MAFF: variants seen among roughly 807,000 people sequenced by gnomAD.
MAFF encodes transcription factor MafF.
Under a neutral mutation model 2.7 loss-of-function variants are expected in MAFF, and 4 were observed. The ratio of observed to expected loss-of-function variants is 1.48; its 90% CI spans 0.73 to 3.39. MAFF has a LOEUF of 3.39. Ranked by LOEUF, MAFF falls within the 30% of genes most tolerant of loss-of-function variation. The probability of loss-of-function intolerance (pLI) is 0.01; values close to 1 mark genes in which losing one functional copy is unlikely to be tolerated. For missense variants in MAFF, 190 were observed against 246.6 expected (o/e 0.77, Z 1.54); for synonymous variants, 113 against 119.4 (o/e 0.95, Z 0.35).
chr22:38,207,533 G>A (rs551174615), intron 1 of MAFF, among the ~76,000 whole-genome samples: 6 of 138,558 alleles, frequency 4.3e-5, no homozygotes, highest in Admixed American at 3.3e-4. Context: ...CTCCATCTCC[G>A]GGTTCACGCC....
Position 38,202,132 on chromosome 22 carries a change from G to C in MAFF, c.-112G>C, listed in dbSNP as rs911290936. 1 of 152,334 alleles carries C rather than the reference G, an allele frequency of 6.6e-6. No individual in the cohort carries two copies. The highest frequency in any genetic ancestry group is 1.5e-5 in the Non-Finnish European group (1 of 68,132). 9.4% of individuals were successfully genotyped at this position (152,334 alleles called of 1,614,324 possible). A position where few individuals can be genotyped will look rare whatever the true frequency, so the allele number is the denominator to read the frequency against. On this transcript the variant is annotated 5_prime_UTR_variant, in exon 1 of 3. Coordinates refer to ENST00000338483, the MANE Select transcript of MAFF (RefSeq NM_012323.4). This position sits in a 1 kb window ranked among gnomAD's most constrained non-coding sequence, Gnocchi z 7.4. ...CTCAGAGCGGAGGGGAGACTGACCG[G>C]AGCGCGGATCGGGACAGCGGCCGGG...
chr22:38,204,690 T>A, intron 1 of MAFF, among the ~76,000 whole-genome samples: 1 of 152,192 alleles, frequency 6.6e-6, no homozygotes, highest in East Asian at 1.9e-4. Flanking sequence ...CACACAGGCA[T>A]GCACTGCCCG....
intron 1 of MAFF, among the ~76,000 whole-genome samples, chr22:38,209,114 G>A (rs1031324310): frequency 1.3e-5 from 2 of 151,924 alleles, no homozygotes; most frequent in African/African-American, 4.8e-5. Context: ...CGCCCAGGCT[G>A]GAGTGCAGTG....
In MAFF at chr22:38,214,566, C is replaced by G; in HGVS notation, c.183C>G (p.Asn61Lys). Residue 61 changes from asparagine to lysine, a missense_variant, in exon 3 of 3, where the codon AAC (asparagine) becomes AAG (lysine). Asn to Lys is a moderately conservative substitution (Grantham distance 94). Transcript: ENST00000338483. This position sits in a 1 kb window ranked among gnomAD's most constrained non-coding sequence, Gnocchi z 6.3. The stretch of plus-strand genomic sequence containing the variant: ...AGCAGCGGCGCCGCACACTCAAAAA[C>G]CGTGGCTACGCCGCCAGCTGCCGCG... ...RLKQRRRTLK[N>K]RGYAASCRVK... is the part of the protein sequence containing the mutation. 1 of 1,604,436 alleles carries G rather than the reference C, an allele frequency of 6.2e-7. No individual in the cohort carries two copies. The highest frequency in any genetic ancestry group is 8.5e-7 in the Non-Finnish European group (1 of 1,176,530).
chr22:38,205,257 C>G (rs757357213), intron 1 of MAFF: 1 of 152,178 alleles, frequency 6.6e-6, no homozygotes, highest in Non-Finnish European at 1.5e-5. Flanking sequence ...GAGGGAGTGC[C>G]GTACCTGAGG....
Position 38,215,045 on chromosome 22 carries a change from T to C in MAFF, c.*167T>C. 1.7e-6 allele frequency: 1 copy of C among 596,770 alleles called. No homozygotes were observed. The highest frequency in any genetic ancestry group is 3.1e-6 in the Non-Finnish European group (1 of 327,382). The allele number at this position is 596,770 out of a possible 1,614,324, so 37.0% of individuals were successfully genotyped here. ...GTCTTCCTCTTGCAGCCCCCCAAAC[T>C]GGGACCGAATGACCCTGGGAAGGGG... is the stretch of plus-strand genomic sequence containing the variant. On this transcript the variant is annotated 3_prime_UTR_variant, in exon 3 of 3. Coordinates refer to ENST00000338483, the MANE Select transcript of MAFF (RefSeq NM_012323.4).
chr22:38,203,768 C>T (rs2091032128), intron 1 of MAFF: 1 of 152,268 alleles, frequency 6.6e-6, no homozygotes, highest in African/African-American at 2.4e-5. Flanking sequence ...CCCGGACCCT[C>T]AGTATTCCCA....
intron 1 of MAFF, among the ~76,000 whole-genome samples, chr22:38,209,159 G>C (rs367959576): frequency 6.6e-6 from 1 of 151,928 alleles, no homozygotes; most frequent in Admixed American, 6.6e-5. Flanking sequence ...TTCACCTCCC[G>C]GGTTCACGCC....
At position 38,214,042 on chromosome 22, in the gene MAFF, G is replaced by A. The variant is rs897588003; in HGVS notation, c.36+153G>A. On this transcript the variant is annotated intron_variant, in intron 2 of 2. Coordinates refer to ENST00000338483, the MANE Select transcript of MAFF (RefSeq NM_012323.4). This position sits in a 1 kb window ranked among gnomAD's most constrained non-coding sequence, Gnocchi z 6.3. Reference sequence around the variant, plus strand: ...TGCCAAAGGGAAGGGCCACAGCCATGGGCTGGGACCAGGAGGCCTGGGCTC... The same window carrying A: ...TGCCAAAGGGAAGGGCCACAGCCATAGGCTGGGACCAGGAGGCCTGGGCTC... Among the ~76,000 whole-genome samples the A allele has an allele frequency of 6.6e-6, 1 of 152,214 alleles. No individual in the cohort carries two copies.
intron 1 of MAFF, among the ~76,000 whole-genome samples, chr22:38,211,312 C>T (rs945262804): frequency 4.0e-5 from 6 of 151,808 alleles, no homozygotes; most frequent in African/African-American, 1.2e-4. Flanking sequence ...CTGCAACCTC[C>T]GCCTCCCGGG....
intron 1 of MAFF, chr22:38,205,784 A>T (rs962092662): frequency 6.6e-6 from 1 of 152,242 alleles, no homozygotes. Context: ...AGGGGATCGG[A>T]TCAGCTACTA....
At position 38,214,607 on chromosome 22, in the gene MAFF, A is replaced by G. The variant is rs1279137765; in HGVS notation, c.224A>G (p.Gln75Arg). The change falls in exon 3 of 3, where the codon CAG becomes CGG. Residue 75 changes from glutamine to arginine, a missense_variant. Around this residue, in one of 2 missense-constraint regions of MAFF, gnomAD observed 87 missense variants for 143.6 expected, o/e 0.61. Transcript: ENST00000338483. This position sits in a 1 kb window ranked among gnomAD's most constrained non-coding sequence, Gnocchi z 6.3. ...AGCTGCCGCGTGAAGCGCGTGTGCC[A>G]GAAGGAGGAGCTGCAGAAGCAGAAG... The part of the protein sequence containing the change: ...AASCRVKRVC[Q>R]KEELQKQKSE... 1 of 1,580,392 alleles carries G rather than the reference A, an allele frequency of 6.3e-7. No homozygotes were observed. Among genetic ancestry groups the G allele is most frequent in the Non-Finnish European group, 8.6e-7 (1 of 1,164,044 alleles).
At chr22:38,210,167 G>C (rs2091087296) in intron 1 of MAFF, among the ~76,000 whole-genome samples, 1 of 152,348 alleles carries the variant, frequency 6.6e-6, no homozygotes, top group Admixed American at 6.5e-5. Context: ...CCTGGGTCCT[G>C]ACCTGGCACT....
intron 1 of MAFF, among the ~76,000 whole-genome samples, chr22:38,204,432 G>T (rs1442963862): frequency 6.6e-6 from 1 of 152,176 alleles, no homozygotes; most frequent in South Asian, 2.1e-4. Context: ...GAAGGCAGGA[G>T]CTGTGATTCA....
rs986858875 is a variant in MAFF, at chr22:38,202,115, G to C, written c.-129G>C. The stretch of plus-strand genomic sequence containing the variant: ...TTCAGAGCGACCTGCGGCTCAGAGC[G>C]GAGGGGAGACTGACCGGAGCGCGGA... On this transcript the variant is annotated 5_prime_UTR_variant, in exon 1 of 3. Transcript: ENST00000338483. This position sits in a 1 kb window ranked among gnomAD's most constrained non-coding sequence, Gnocchi z 7.4. The C allele has an allele frequency of 6.6e-6, 1 of 152,332 alleles. No individual in the cohort carries two copies. Among genetic ancestry groups the C allele is most frequent in the Admixed American group, 6.5e-5 (1 of 15,292 alleles). The allele number at this position is 152,332 out of a possible 1,614,324, so 9.4% of individuals were successfully genotyped here. A position where few individuals can be genotyped will look rare whatever the true frequency, so the allele number is the denominator to read the frequency against.
intron 1 of MAFF, among the ~76,000 whole-genome samples, chr22:38,210,449 G>T (rs549722701): frequency 1.3e-5 from 2 of 152,304 alleles, no homozygotes; most frequent in African/African-American, 4.8e-5. Context: ...GAGGTGCCAG[G>T]CGCGGTTCTA....
At chr22:38,212,723 CAG>C (rs2091110283) in intron 1 of MAFF, among the ~76,000 whole-genome samples, 1 of 152,140 alleles carries the variant, frequency 6.6e-6, no homozygotes. Context: ...TTTCCCAAAA[CAG>C]AGGTCTAGAT....
chr22:38,216,495 T>C lies in MAFF; in HGVS notation c.*1617T>C, dbSNP rs912773147. On this transcript the variant is annotated 3_prime_UTR_variant, in exon 3 of 3. Coordinates refer to ENST00000338483, the MANE Select transcript of MAFF (RefSeq NM_012323.4). The stretch of plus-strand genomic sequence containing the variant: ...TCTAAATAAAGTCAAATTCTTTCTT[T>C]TTCCACAGAGAATAAATGTGTATCC... 5.1e-5 allele frequency: 8 copies of C among 156,974 alleles called. No homozygotes were observed. Among genetic ancestry groups the C allele is most frequent in the African/African-American group, 1.8e-4 (7 of 39,830 alleles). 9.7% of individuals were successfully genotyped at this position (156,974 alleles called of 1,614,324 possible). A position where few individuals can be genotyped will look rare whatever the true frequency, so the allele number is the denominator to read the frequency against.
chr22:38,214,821 G>C lies in MAFF; in HGVS notation c.438G>C (p.Ser146=). The part of the protein sequence containing the change: ...VITIVKSTPG[S]GSGPAHGPDP... ...CCATCGTCAAGTCCACCCCGGGCTC[G>C]GGGTCTGGCCCCGCCCACGGCCCGG... The change falls in exon 3 of 3, where the codon TCG becomes TCC. Residue 146 remains serine (S), a synonymous_variant. Coordinates refer to ENST00000338483, the MANE Select transcript of MAFF (RefSeq NM_012323.4). This position sits in a 1 kb window ranked among gnomAD's most constrained non-coding sequence, Gnocchi z 6.3. The C allele has an allele frequency of 6.7e-7, 1 of 1,490,644 alleles. No individual in the cohort carries two copies. Among genetic ancestry groups the C allele is most frequent in the South Asian group, 1.3e-5 (1 of 79,120 alleles). 92.3% of individuals were successfully genotyped at this position (1,490,644 alleles called of 1,614,324 possible). A position where few individuals can be genotyped will look rare whatever the true frequency, so the allele number is the denominator to read the frequency against.
Sources: gnomAD v4.1 joint callset for allele counts (sites outside exome capture counted in the v4.1 genomes callset) on GRCh38, gnomAD v4.1.1 for gene constraint, gnomAD v4.1.1 regional missense constraint, Gnocchi (gnomAD v3.1) non-coding constraint, MANE v1.5 for transcripts, NCBI Gene and HGNC (gene_info 2026-07-23, HGNC 2026-07-21) for gene names.